The following HS2ST1 variants were observed in gnomAD, a reference collection of about 807,000 sequenced individuals.
HS2ST1 encodes the protein 2-O-sulfotransferase.
A neutral mutation model predicts 42.9 loss-of-function variants in HS2ST1; 18 were observed. The observed-to-expected ratio is 0.42, with a 90% CI of 0.29 to 0.62. The LOEUF (loss-of-function observed/expected upper bound fraction) is 0.62. Ranked by LOEUF, HS2ST1 falls within the 20% of genes least tolerant of loss-of-function variation. The pLI is 0.21. For missense variants in HS2ST1, 334 were observed against 433.8 expected (o/e 0.77, Z 2.04); for synonymous variants, 146 against 152.9 (o/e 0.95, Z 0.33).
At chr1:86,965,587 G>C (rs928666063) in intron 1 of HS2ST1, among the ~76,000 whole-genome samples, 1 of 152,032 alleles carries the variant, frequency 6.6e-6, no homozygotes, top group African/African-American at 2.4e-5. Flanking sequence ...AACTACCACT[G>C]TGTGGGCCCC....
chr1:86,998,084 A>C (rs1478603688), intron 1 of HS2ST1, among the ~76,000 whole-genome samples: 6 of 152,182 alleles, frequency 3.9e-5, no homozygotes, highest in Non-Finnish European at 8.8e-5. Flanking sequence ...AGAAGGTAAG[A>C]CCTACTTAGA....
rs116274589 is a variant in HS2ST1 at position 87,106,724 on chromosome 1, G to T, written c.*2028G>T. 1,369 of 151,694 alleles carry T rather than the reference G, an allele frequency of 9.0e-3. 22 individuals are homozygous for T. Among genetic ancestry groups the T allele is most frequent in the African/African-American group, 0.032 (1,318 of 41,364 alleles). The allele number at this position is 151,694 out of a possible 1,614,324, so 9.4% of individuals were successfully genotyped here. ...CCTTTTTTCAAATTGACTTTTATAG[G>T]TATTTCCTGAAAGTGTATACAAATT... On this transcript the variant is annotated 3_prime_UTR_variant, in exon 7 of 7. Coordinates refer to ENST00000370550, the MANE Select transcript of HS2ST1 (RefSeq NM_012262.4).
At chr1:87,010,491 A>G (rs1649567314) in intron 1 of HS2ST1, among the ~76,000 whole-genome samples, 1 of 152,224 alleles carries the variant, frequency 6.6e-6, no homozygotes, top group African/African-American at 2.4e-5. Flanking sequence ...GCAATAATGT[A>G]GGAAAAAAAT....
chr1:87,081,997 A>G lies in HS2ST1; in HGVS notation c.364-2197A>G, dbSNP rs1014745901. Among the ~76,000 whole-genome samples, 12 of 152,016 alleles carry G rather than the reference A, an allele frequency of 7.9e-5. No individual in the cohort carries two copies. The South Asian group carries it at 2.1e-3, about 26-fold the overall frequency. On this transcript the variant is annotated intron_variant, in intron 2 of 6. Coordinates refer to ENST00000370550, the MANE Select transcript of HS2ST1 (RefSeq NM_012262.4). ...AAAAAAAAAAAAAGAAAAAAAAGAA[A>G]AAAAAAGAAGGTTTTTTTGAAGAGA...
At position 87,046,860 on chromosome 1, in the gene HS2ST1, A is replaced by G. The variant is rs1410823188; in HGVS notation, c.125-26074A>G. 2.1e-5 allele frequency among the ~76,000 whole-genome samples: 3 copies of G among 146,004 alleles called. No individual in the cohort carries two copies. The Admixed American group carries it at 2.1e-4, about 10-fold the overall frequency. The stretch of plus-strand genomic sequence containing the variant: ...CAAGTAGCTGGGATTATAGGCACCC[A>G]CCACGCCCAGCTGATTTTTGTATTT... On this transcript the variant is annotated intron_variant, in intron 1 of 6. Transcript: ENST00000370550.
At chr1:86,954,635 T>C (rs1256148865) in intron 1 of HS2ST1, among the ~76,000 whole-genome samples, 1 of 152,198 alleles carries the variant, frequency 6.6e-6, no homozygotes, top group Non-Finnish European at 1.5e-5. Flanking sequence ...AATGATTCAT[T>C]GGTTAGAATT....
In HS2ST1 at chr1:86,914,726, G is replaced by A; in HGVS notation, c.-311G>A. On this transcript the variant is annotated 5_prime_UTR_variant, in exon 1 of 7. Transcript: ENST00000370550. Reference sequence around the variant, plus strand: ...GGGAGGCGGGCAAGCAGGCGGGCGCGGGGGTCGGGGACTGAGGCAGTAGAG... The same window carrying A: ...GGGAGGCGGGCAAGCAGGCGGGCGCAGGGGTCGGGGACTGAGGCAGTAGAG... 3.0e-6 allele frequency: 1 copy of A among 336,230 alleles called. No individual in the cohort carries two copies. Among genetic ancestry groups the A allele is most frequent in the Non-Finnish European group, 5.5e-6 (1 of 181,948 alleles). The allele number at this position is 336,230 out of a possible 1,614,324, so 20.8% of individuals were successfully genotyped here.
At chr1:87,016,370 G>A (rs958757473) in intron 1 of HS2ST1, among the ~76,000 whole-genome samples, 8 of 152,128 alleles carry the variant, frequency 5.3e-5, no homozygotes, top group Admixed American at 1.3e-4. Context: ...TTTTGGAGAA[G>A]ATAGTCTAAT....
At chr1:87,084,380 G>A (rs1361396859) in intron 3 of HS2ST1, 101 bp downstream of exon 3, 1 of 692,564 alleles carries the variant, frequency 1.4e-6, no homozygotes, top group East Asian at 2.9e-5. Flanking sequence ...ATAAAAGAAT[G>A]TACTGTCTTG....
intron 1 of HS2ST1, among the ~76,000 whole-genome samples, chr1:86,922,940 C>T (rs1319472482): frequency 2.0e-5 from 3 of 152,076 alleles, no homozygotes; most frequent in Non-Finnish European, 4.4e-5. Flanking sequence ...CTTCTCCTCT[C>T]AGGAACTCAA....
chr1:87,005,560 C>T (rs1406573056), intron 1 of HS2ST1, among the ~76,000 whole-genome samples: 1 of 152,084 alleles, frequency 6.6e-6, no homozygotes, highest in Non-Finnish European at 1.5e-5. Context: ...ATCTCTGTAG[C>T]AATTGTGGAT....
chr1:86,950,416 G>A (rs1283600635), intron 1 of HS2ST1, among the ~76,000 whole-genome samples: 3 of 152,162 alleles, frequency 2.0e-5, no homozygotes, highest in Non-Finnish European at 4.4e-5. Context: ...AGTTAAAGGC[G>A]AGACATGGAA....
intron 2 of HS2ST1, among the ~76,000 whole-genome samples, chr1:87,080,553 G>A (rs778736308): frequency 1.3e-5 from 2 of 152,130 alleles, no homozygotes; most frequent in Non-Finnish European, 2.9e-5. Context: ...TTGTCCCCCA[G>A]CAGGAACATC....
intron 1 of HS2ST1, among the ~76,000 whole-genome samples, chr1:86,922,197 T>C (rs472509): frequency 0.12 from 17,693 of 151,140 alleles, 1,690 homozygotes; most frequent in African/African-American, 0.26. Flanking sequence ...TGCTTAAGGG[T>C]TTATGGTATA....
chr1:86,961,093 A>T (rs1312373906), intron 1 of HS2ST1, among the ~76,000 whole-genome samples: 2 of 152,260 alleles, frequency 1.3e-5, no homozygotes, highest in East Asian at 3.9e-4. Context: ...AGCCATAAAA[A>T]GAAATGAGTT....
intron 1 of HS2ST1, among the ~76,000 whole-genome samples, chr1:86,927,338 G>A (rs1279963653): frequency 6.6e-6 from 1 of 152,136 alleles, no homozygotes; most frequent in African/African-American, 2.4e-5. Context: ...AGGTAGTTAG[G>A]TTGTGCTGAA....
intron 1 of HS2ST1, among the ~76,000 whole-genome samples, chr1:86,964,262 G>A (rs1227071310): frequency 3.9e-5 from 6 of 152,304 alleles, no homozygotes; most frequent in East Asian, 3.9e-4. Context: ...CTGCAATCTC[G>A]GCACTTTGGG....
chr1:86,976,930 T>TA lies in HS2ST1; in HGVS notation c.124+61771dup, dbSNP rs546689016. The stretch of plus-strand genomic sequence containing the variant: ...TACCAGAAATAAAAAATGTGCCTTG[T>TA]AGTCCTAGCTACTTGAGAGGCTGAG... On this transcript the variant is annotated intron_variant, in intron 1 of 6. Transcript: ENST00000370550. 4.6e-5 allele frequency among the ~76,000 whole-genome samples: 7 copies of TA among 151,532 alleles called. No individual in the cohort carries two copies. The South Asian group carries it at 1.5e-3, about 32-fold the overall frequency.
At chr1:86,989,839 TGTTA>T (rs1234014194) in intron 1 of HS2ST1, among the ~76,000 whole-genome samples, 1 of 152,144 alleles carries the variant, frequency 6.6e-6, no homozygotes, top group African/African-American at 2.4e-5. Flanking sequence ...TCTGTTTTTG[TGTTA>T]GTTTGCTGAG....
Sources: allele counts gnomAD v4.1 joint callset (sites outside exome capture counted in the v4.1 genomes callset), GRCh38; gene constraint gnomAD v4.1.1; transcripts MANE v1.5; gene names NCBI Gene and HGNC (gene_info 2026-07-23, HGNC 2026-07-21).